Variants in TCF7 observed in about 807,000 individuals in gnomAD.
The protein encoded by TCF7 is T-cell-factor-7.
A neutral mutation model predicts 46.8 loss-of-function variants in TCF7; 19 were observed. The observed-to-expected ratio is 0.41, with a 90% CI of 0.28 to 0.60. The LOEUF (loss-of-function observed/expected upper bound fraction) is 0.60, where lower values mean the gene tolerates loss of function less well. Among genes scored for constraint, TCF7 ranks in the 20% least tolerant of loss-of-function variants. The pLI is 0.35. For synonymous variants in TCF7, 245 were observed against 213.4 expected, an observed-to-expected ratio of 1.15 and a Z score of -1.29; for missense variants, 547 against 504.6, an observed-to-expected ratio of 1.08 and a Z score of -0.81.
chr5:134,120,269 C>T (rs912522482), intron 3 of TCF7, among the ~76,000 whole-genome samples: 3 of 152,198 alleles, frequency 2.0e-5, no homozygotes, highest in Non-Finnish European at 1.5e-5. Context: ...GCAGCAACAG[C>T]GTCCAGGGGA....
At chr5:134,122,996 G>A (rs1334656881) in intron 3 of TCF7, among the ~76,000 whole-genome samples, 1 of 152,210 alleles carries the variant, frequency 6.6e-6, no homozygotes, top group Non-Finnish European at 1.5e-5. Context: ...CCCTGGGTGA[G>A]TTACTTAGCC....
At chr5:134,140,156 G>C (rs933625631) in intron 5 of TCF7, among the ~76,000 whole-genome samples, 1 of 152,198 alleles carries the variant, frequency 6.6e-6, no homozygotes, top group African/African-American at 2.4e-5. Flanking sequence ...GAAAGAAGTA[G>C]GGGTATTTAA....
chr5:134,143,548 G>A (rs1580899504), intron 8 of TCF7, 44 bp from the exon 9 acceptor site: 7 of 1,613,702 alleles, frequency 4.3e-6, no homozygotes, highest in South Asian at 3.3e-5. Context: ...GTATCCCAAT[G>A]TCTGCCTCCC....
At chr5:134,133,358 A>T (rs1438610029) in intron 3 of TCF7, among the ~76,000 whole-genome samples, 1 of 152,100 alleles carries the variant, frequency 6.6e-6, no homozygotes, top group Non-Finnish European at 1.5e-5. Context: ...CCTGGTGGGG[A>T]CAATCACCCT....
At chr5:134,108,417 C>G in the TCF7 span, among the ~76,000 whole-genome samples, 1 of 152,140 alleles carries the variant, frequency 6.6e-6, no homozygotes, top group African/African-American at 2.4e-5. Flanking sequence ...GGCGGGAGGC[C>G]TGGTTAGAGC....
intron 5 of TCF7, chr5:134,141,553 C>CTGA (rs1250755790): frequency 6.6e-5 from 10 of 152,404 alleles, no homozygotes; most frequent in African/African-American, 2.4e-4. Context: ...CTCACCAGGC[C>CTGA]TGATGGGTCA....
chr5:134,112,601 G>T (rs1046234399), upstream of TCF7, among the ~76,000 whole-genome samples: 5 of 152,160 alleles, frequency 3.3e-5, no homozygotes, highest in African/African-American at 1.2e-4. Context: ...AAACTTGAGG[G>T]TGGGGGAGTT....
chr5:134,115,531 G>C, intron 2 of TCF7, 144 bp downstream of exon 2: 2 of 1,444,762 alleles, frequency 1.4e-6, no homozygotes, highest in Non-Finnish European at 1.8e-6. Flanking sequence ...GAGAGTGGGG[G>C]GCGGGCTTCC....
At chr5:134,138,318 G>T (rs544410504) in intron 4 of TCF7, 154 bp downstream of exon 4, 15 of 634,596 alleles carry the variant, frequency 2.4e-5, no homozygotes, top group Middle Eastern at 2.9e-4. Flanking sequence ...AAGATGGACT[G>T]GGGGTATAAG....
intron 3 of TCF7, among the ~76,000 whole-genome samples, chr5:134,130,698 C>G (rs1202511376): frequency 6.6e-6 from 1 of 152,160 alleles, no homozygotes; most frequent in Non-Finnish European, 1.5e-5. Context: ...TGTCCTGAGT[C>G]CAAGTAGTGG....
chr5:134,143,351 G>T (rs577156705), intron 8 of TCF7: 1 of 780,670 alleles, frequency 1.3e-6, no homozygotes, highest in Non-Finnish European at 2.3e-6. Context: ...CAGAAGGGGA[G>T]AAAGGGGTCT....
intron 3 of TCF7, among the ~76,000 whole-genome samples, chr5:134,121,410 C>T (rs955574470): frequency 3.9e-5 from 6 of 151,938 alleles, no homozygotes; most frequent in Admixed American, 6.6e-5. Flanking sequence ...ACGGTAAAAC[C>T]GGGTCTCTAC....
chr5:134,117,119 C>A (rs180758877), intron 3 of TCF7, among the ~76,000 whole-genome samples: 85 of 152,396 alleles, frequency 5.6e-4, no homozygotes, highest in Middle Eastern at 6.8e-3. Context: ...AAAGCCTATT[C>A]TATGGCTAGC....
At chr5:134,131,199 C>T (rs1561671943) in intron 3 of TCF7, among the ~76,000 whole-genome samples, 1 of 152,142 alleles carries the variant, frequency 6.6e-6, no homozygotes, top group Non-Finnish European at 1.5e-5. Context: ...CACTGAAGAC[C>T]TGGAGAGCCC....
intron 9 of TCF7, chr5:134,145,304 G>A (rs1760529940): frequency 1.9e-6 from 1 of 538,100 alleles, no homozygotes. Context: ...ATCTGAAAAA[G>A]CAAGGTGACA....
upstream of TCF7, among the ~76,000 whole-genome samples, chr5:134,112,686 C>T (rs751429028): frequency 1.1e-4 from 16 of 152,152 alleles, no homozygotes; most frequent in Non-Finnish European, 2.4e-4. Flanking sequence ...TGTCCCACCA[C>T]CATTTTAGTA....
intron 9 of TCF7, chr5:134,144,547 C>T: frequency 2.0e-6 from 1 of 509,286 alleles, no homozygotes; most frequent in Non-Finnish European, 3.6e-6. Flanking sequence ...GACAGGACTC[C>T]CTCCCTCCCA....
intron 2 of TCF7, 173 bp from the exon 3 acceptor site, chr5:134,115,736 C>T (rs1755719266): frequency 2.1e-6 from 3 of 1,437,546 alleles, no homozygotes; most frequent in South Asian, 3.0e-5. Context: ...GGAGGCCTGC[C>T]CTCCAGGTCC....
chr5:134,144,743 C>T (rs916548600), intron 9 of TCF7: 15 of 1,403,952 alleles, frequency 1.1e-5, no homozygotes, highest in African/African-American at 4.2e-5. Context: ...TGCTCTGCCC[C>T]GCTGCCTGCT....
Sources: gnomAD v4.1 joint callset for allele counts (sites outside exome capture counted in the v4.1 genomes callset) on GRCh38, gnomAD v4.1.1 for gene constraint, MANE v1.5 for transcripts, NCBI Gene and HGNC (gene_info 2026-07-23, HGNC 2026-07-21) for gene names.